Variants in CALN1 observed in about 807,000 individuals in gnomAD.
CALN1 encodes calneuron 1, also known as calcium-binding protein 8.
In CALN1, 17 loss-of-function variants were observed where a neutral mutation model predicts 30.6. The observed-to-expected ratio is 0.56, with a 90% confidence interval of 0.38 to 0.83. The LOEUF (loss-of-function observed/expected upper bound fraction) is 0.83, where lower values mean the gene tolerates loss of function less well. CALN1 is among the 40% of genes least tolerant of loss of function. CALN1 has a pLI of 0.00. For missense variants in CALN1, 291 were observed against 354.9 expected (o/e 0.82, Z 1.45); for synonymous variants, 156 against 131.4 (o/e 1.19, Z -1.28).
intron 5 of CALN1, among the ~76,000 whole-genome samples, chr7:71,948,087 G>A (rs974790487): frequency 6.6e-5 from 10 of 152,080 alleles, no homozygotes; most frequent in Admixed American, 1.3e-4. Flanking sequence ...ACTTCTCATC[G>A]AAAGGGCGAT....
chr7:71,912,749 G>A (rs537206782), intron 5 of CALN1, among the ~76,000 whole-genome samples: 1 of 152,142 alleles, frequency 6.6e-6, no homozygotes, highest in Non-Finnish European at 1.5e-5. Flanking sequence ...TGGGGGTTGG[G>A]ATTATTCTCC....
intron 3 of CALN1, among the ~76,000 whole-genome samples, chr7:72,145,887 T>A (rs916381399): frequency 6.6e-6 from 1 of 152,170 alleles, no homozygotes; most frequent in African/African-American, 2.4e-5. Flanking sequence ...ATTATCTCAA[T>A]AGATGCAGAA....
chr7:72,351,724 T>G (rs1401423805), intron 2 of CALN1, among the ~76,000 whole-genome samples: 1 of 151,830 alleles, frequency 6.6e-6, no homozygotes, highest in Non-Finnish European at 1.5e-5. Context: ...AATACAATAT[T>G]TGAAAAATAA....
chr7:72,020,469 G>A (rs535506972), intron 5 of CALN1, among the ~76,000 whole-genome samples: 3 of 152,194 alleles, frequency 2.0e-5, no homozygotes, highest in South Asian at 2.1e-4. Context: ...ATTTTTTCAC[G>A]CTGTCTCTGA....
At chr7:72,019,333 AC>A (rs1263295054) in intron 5 of CALN1, among the ~76,000 whole-genome samples, 2 of 151,982 alleles carry the variant, frequency 1.3e-5, no homozygotes, top group African/African-American at 2.4e-5. Flanking sequence ...CAGAATCTTT[AC>A]CCTTTATGGT....
At chr7:72,049,944 G>A (rs1417491828) in intron 4 of CALN1, among the ~76,000 whole-genome samples, 1 of 151,434 alleles carries the variant, frequency 6.6e-6, no homozygotes, top group African/African-American at 2.4e-5. Flanking sequence ...TGAGTAGCTG[G>A]GACTAGGGGC....
At chr7:72,447,913 C>T (rs191367325), upstream of CALN1, among the ~76,000 whole-genome samples, 24 of 151,148 alleles carry the variant, frequency 1.6e-4, 1 homozygote, top group Admixed American at 9.9e-4. Flanking sequence ...CATGTACACA[C>T]ATACACACAC....
chr7:72,292,013 A>G (rs10244985), intron 2 of CALN1, among the ~76,000 whole-genome samples: 27,595 of 151,856 alleles, frequency 0.18, 3,434 homozygotes, highest in East Asian at 0.43. Flanking sequence ...AAAAAAAAAA[A>G]AAGAATTTCA....
chr7:72,461,733 C>T, the CALN1 span, among the ~76,000 whole-genome samples: 161 of 152,224 alleles, frequency 1.1e-3, 1 homozygote, highest in Non-Finnish European at 1.2e-3. Context: ...ATGGGTTGGG[C>T]GTGGTGGCTC....
chr7:72,262,493 G>A (rs979633885), intron 3 of CALN1, among the ~76,000 whole-genome samples: 1 of 152,040 alleles, frequency 6.6e-6, no homozygotes, highest in African/African-American at 2.4e-5. Context: ...GTTCTTCAAC[G>A]TGCCCTTTTC....
chr7:71,902,658 A>T (rs534212166), intron 5 of CALN1, among the ~76,000 whole-genome samples: 1 of 152,322 alleles, frequency 6.6e-6, no homozygotes, highest in South Asian at 2.1e-4. Flanking sequence ...AAGGAAAATA[A>T]ATCATTATAC....
chr7:72,058,583 TGC>T (rs1375909887), intron 4 of CALN1, among the ~76,000 whole-genome samples: 1 of 152,014 alleles, frequency 6.6e-6, no homozygotes, highest in African/African-American at 2.4e-5. Flanking sequence ...CCTCCCAAAG[TGC>T]TGGGATTACA....
intron 5 of CALN1, among the ~76,000 whole-genome samples, chr7:71,892,893 T>G (rs1793325905): frequency 6.6e-6 from 1 of 152,176 alleles, no homozygotes; most frequent in Non-Finnish European, 1.5e-5. Flanking sequence ...ACGTCATTTT[T>G]TTTTTGGAGA....
chr7:72,059,940 G>A (rs1372049701), intron 4 of CALN1, among the ~76,000 whole-genome samples: 4 of 148,092 alleles, frequency 2.7e-5, no homozygotes, highest in Admixed American at 6.9e-5. Flanking sequence ...TGAGAAGTAA[G>A]TTGTAGTAGC....
At chr7:72,490,973 G>A in the CALN1 span, among the ~76,000 whole-genome samples, 8 of 152,144 alleles carry the variant, frequency 5.3e-5, no homozygotes, top group Admixed American at 3.9e-4. Context: ...GGCCGGGCGC[G>A]GTGGCTCACG....
chr7:72,093,003 G>A (rs920947072), intron 4 of CALN1, among the ~76,000 whole-genome samples: 9 of 152,102 alleles, frequency 5.9e-5, no homozygotes, highest in African/African-American at 7.2e-5. Flanking sequence ...TTAAGCCACT[G>A]CTATTTGGGG....
chr7:72,176,411 T>C (rs1789361341), intron 3 of CALN1, among the ~76,000 whole-genome samples: 1 of 152,180 alleles, frequency 6.6e-6, no homozygotes, highest in Admixed American at 6.5e-5. Context: ...ATTCCCAGTG[T>C]TGGAGGTGAC....
intron 5 of CALN1, among the ~76,000 whole-genome samples, chr7:71,937,563 C>A (rs1198919110): frequency 6.6e-6 from 1 of 152,110 alleles, no homozygotes; most frequent in Non-Finnish European, 1.5e-5. Context: ...ACTGAAGCCT[C>A]ACATTCCTAG....
chr7:72,355,058 G>A (rs571648245), intron 2 of CALN1, among the ~76,000 whole-genome samples: 135 of 152,046 alleles, frequency 8.9e-4, no homozygotes, highest in Non-Finnish European at 1.5e-3. Flanking sequence ...ACAGGCTTGC[G>A]CCACCATGCC....
Sources: gnomAD v4.1 joint callset for allele counts (sites outside exome capture counted in the v4.1 genomes callset) on GRCh38, gnomAD v4.1.1 for gene constraint, MANE v1.5 for transcripts, NCBI Gene and HGNC (gene_info 2026-07-23, HGNC 2026-07-21) for gene names.